Variants in DIP2C observed in about 807,000 individuals in gnomAD.
DIP2C encodes disco-interacting protein 2 homolog C.
Under a neutral mutation model 192.4 loss-of-function variants are expected in DIP2C, and 33 were observed. The ratio of observed to expected loss-of-function variants is 0.17; its 90% confidence interval spans 0.13 to 0.23. DIP2C has a LOEUF of 0.23. DIP2C is among the 10% of genes least tolerant of loss of function. The probability of loss-of-function intolerance (pLI) is 1.00; values close to 1 mark genes in which losing one functional copy is unlikely to be tolerated. For synonymous variants in DIP2C, 979 were observed against 864.1 expected (o/e 1.13, Z -2.33); for missense variants, 1,537 against 2,110.1 (o/e 0.73, Z 5.32).
At chr10:400,120 C>T (rs906084149) in intron 9 of DIP2C, among the ~76,000 whole-genome samples, 2 of 151,504 alleles carry the variant, frequency 1.3e-5, no homozygotes, top group Admixed American at 1.3e-4. Context: ...TCATAGCTCA[C>T]TGCAGCCTTG....
chr10:534,986 T>C (rs572538494), intron 1 of DIP2C, among the ~76,000 whole-genome samples: 3 of 152,200 alleles, frequency 2.0e-5, no homozygotes, highest in Admixed American at 6.5e-5. Flanking sequence ...TGGATGATTA[T>C]TTTTAACAAT....
chr10:345,505 A>C (rs1180475664), intron 26 of DIP2C, among the ~76,000 whole-genome samples: 1 of 63,276 alleles, frequency 1.6e-5, no homozygotes, highest in Non-Finnish European at 3.4e-5. Context: ...TTCTCCCGGA[A>C]ACCCCACAAA....
chr10:541,898 C>CT (rs1228856004), intron 1 of DIP2C, among the ~76,000 whole-genome samples: 1 of 152,214 alleles, frequency 6.6e-6, no homozygotes, highest in African/African-American at 2.4e-5. Context: ...ACTTCCTCAC[C>CT]TTCTCGTCGG....
intron 1 of DIP2C, among the ~76,000 whole-genome samples, chr10:537,018 T>G (rs1239190283): frequency 1.3e-5 from 2 of 152,226 alleles, no homozygotes; most frequent in African/African-American, 4.8e-5. Flanking sequence ...AGGCTGGCTG[T>G]GTCCTGCATC....
At chr10:570,341 T>C (rs906260399) in intron 1 of DIP2C, among the ~76,000 whole-genome samples, 14 of 152,198 alleles carry the variant, frequency 9.2e-5, no homozygotes, top group African/African-American at 3.4e-4. Flanking sequence ...AGGGCCCTGC[T>C]GACACAGGAG....
At chr10:478,454 ACTCAT>A (rs1393604482) in intron 2 of DIP2C, among the ~76,000 whole-genome samples, 4 of 147,734 alleles carry the variant, frequency 2.7e-5, no homozygotes, top group African/African-American at 7.6e-5. Context: ...TCTTTTTCTC[ACTCAT>A]CTCATGTCCG....
chr10:487,984 C>T (rs144682956), intron 1 of DIP2C, among the ~76,000 whole-genome samples: 58 of 152,344 alleles, frequency 3.8e-4, no homozygotes, highest in African/African-American at 1.2e-3. Context: ...ACTACGGAGA[C>T]GCTCAGTTGC....
intron 1 of DIP2C, among the ~76,000 whole-genome samples, chr10:501,460 T>C (rs912937861): frequency 1.3e-5 from 2 of 152,174 alleles, no homozygotes; most frequent in Non-Finnish European, 2.9e-5. Flanking sequence ...TAAGCACATA[T>C]GTATTCAAGG....
In DIP2C at chr10:568,730, C is replaced by T. The variant is rs536011612; in HGVS notation, c.86-82200G>A. Reference sequence around the variant, plus strand: ...GCAGTGAGTCGAGATCGCGCCACTGCGCTCCAGCCTGGGCGACAGAGGGAA... The same window carrying T: ...GCAGTGAGTCGAGATCGCGCCACTGTGCTCCAGCCTGGGCGACAGAGGGAA... On this transcript the variant is annotated intron_variant, in intron 1 of 36. Coordinates refer to ENST00000280886, the MANE Select transcript of DIP2C (RefSeq NM_014974.3). Among the ~76,000 whole-genome samples, 292 of 135,524 alleles carry T rather than the reference C, an allele frequency of 2.2e-3. 1 individual carries two copies. Among genetic ancestry groups the T allele is most frequent in the Middle Eastern group, 0.015 (3 of 206 alleles). The allele number at this position is 135,524 out of a possible 152,430, so 88.9% of individuals were successfully genotyped here.
At chr10:509,656 G>A (rs1845877363) in intron 1 of DIP2C, among the ~76,000 whole-genome samples, 1 of 152,178 alleles carries the variant, frequency 6.6e-6, no homozygotes, top group Non-Finnish European at 1.5e-5. Context: ...TCGTCCAGAC[G>A]AGAGAGAGGC....
chr10:528,587 G>C lies in DIP2C; in HGVS notation c.86-42057C>G, dbSNP rs544214462. 1.2e-4 allele frequency among the ~76,000 whole-genome samples: 18 copies of C among 152,328 alleles called. No individual in the cohort carries two copies. The East Asian group carries it at 1.3e-3, about 11-fold the overall frequency. On this transcript the variant is annotated intron_variant, in intron 1 of 36. Coordinates refer to ENST00000280886, the MANE Select transcript of DIP2C (RefSeq NM_014974.3). ...TCACACAACCATCTTGGACTCAGGA[G>C]GCGCTGTGCAGATGGCAGCTGTGCA...
chr10:392,814 G>A (rs1963594969), intron 10 of DIP2C, among the ~76,000 whole-genome samples: 1 of 142,532 alleles, frequency 7.0e-6, no homozygotes, highest in Admixed American at 6.8e-5. Context: ...CGCACACTCA[G>A]CGCACACACA....
intron 4 of DIP2C, among the ~76,000 whole-genome samples, chr10:434,163 G>A (rs907270677): frequency 9.9e-5 from 15 of 152,192 alleles, no homozygotes; most frequent in African/African-American, 3.1e-4. Context: ...TTAACTGTGT[G>A]TATATGGTAT....
intron 32 of DIP2C, among the ~76,000 whole-genome samples, chr10:298,328 A>G (rs905036116): frequency 2.0e-5 from 3 of 152,160 alleles, no homozygotes; most frequent in Admixed American, 6.5e-5. Flanking sequence ...CACGGATCAC[A>G]GGCATTTTGG....
intron 1 of DIP2C, among the ~76,000 whole-genome samples, chr10:583,669 G>A (rs1304592585): frequency 1.3e-5 from 2 of 152,192 alleles, no homozygotes. Context: ...GCAGCTCTCA[G>A]CCAGCGCTCA....
chr10:613,724 C>T (rs1051736718), intron 1 of DIP2C, among the ~76,000 whole-genome samples: 1 of 152,162 alleles, frequency 6.6e-6, no homozygotes, highest in Non-Finnish European at 1.5e-5. Flanking sequence ...TCAACAGATC[C>T]TCTCCACACC....
At chr10:590,873 A>G (rs1032965110) in intron 1 of DIP2C, among the ~76,000 whole-genome samples, 1 of 152,192 alleles carries the variant, frequency 6.6e-6, no homozygotes, top group Non-Finnish European at 1.5e-5. Flanking sequence ...CTCCAGCAGG[A>G]GTCCAGGAGC....
chr10:417,654 A>AGGGCTCGGACAGGCCTC, intron 6 of DIP2C, among the ~76,000 whole-genome samples: 1 of 11,022 alleles, frequency 9.1e-5, no homozygotes, highest in Non-Finnish European at 2.0e-4. Flanking sequence ...CTCCCTGTCC[A>AGGGCTCGGACAGGCCTC]CCTGTTCCTG....
At chr10:314,709 C>T (rs953930866) in intron 31 of DIP2C, among the ~76,000 whole-genome samples, 1 of 152,208 alleles carries the variant, frequency 6.6e-6, no homozygotes, top group Non-Finnish European at 1.5e-5. Flanking sequence ...CTACTCACAG[C>T]TCTGGAGTCT....
Sources: allele counts gnomAD v4.1 joint callset (sites outside exome capture counted in the v4.1 genomes callset), GRCh38; gene constraint gnomAD v4.1.1; transcripts MANE v1.5; gene names NCBI Gene and HGNC (gene_info 2026-07-23, HGNC 2026-07-21).